Variants in SPON1 observed in about 807,000 individuals in gnomAD.
SPON1 encodes spondin 1.
SPON1 carries 52 observed loss-of-function variants against 111.7 expected under a neutral mutation model. The observed-to-expected ratio is 0.47, with a 90% CI of 0.37 to 0.59. SPON1 has a LOEUF of 0.59. Among genes scored for constraint, SPON1 ranks in the 20% least tolerant of loss-of-function variants. The pLI is 0.00. For missense variants in SPON1, 957 were observed against 1,068.5 expected (o/e 0.90, Z 1.46); for synonymous variants, 410 against 395.8 (o/e 1.04, Z -0.43).
chr11:14,083,583 G>A lies in SPON1; in HGVS notation c.676+3562G>A, dbSNP rs12575324. The stretch of plus-strand genomic sequence containing the variant: ...AATGCATGGTTTTGTAACATCTTAC[G>A]TTGATCATTTGGAAAATATTGGTTT... On this transcript the variant is annotated intron_variant, in intron 5 of 15. Coordinates refer to ENST00000576479, the MANE Select transcript of SPON1 (RefSeq NM_006108.4). Among the ~76,000 whole-genome samples the A allele has an allele frequency of 4.1e-4, 63 of 152,108 alleles. 1 individual carries two copies. The East Asian group carries it at 0.011, about 26-fold the overall frequency.
At chr11:14,024,417 C>T (rs1848502705) in intron 2 of SPON1, among the ~76,000 whole-genome samples, 1 of 152,104 alleles carries the variant, frequency 6.6e-6, no homozygotes, top group African/African-American at 2.4e-5. Flanking sequence ...TGGCGCTCAG[C>T]AAGATGGATG....
chr11:13,975,773 T>C (rs545255576), intron 1 of SPON1, among the ~76,000 whole-genome samples: 39 of 152,312 alleles, frequency 2.6e-4, no homozygotes, highest in African/African-American at 8.9e-4. Context: ...TGGTCCTTCA[T>C]TGGCACCTAC....
At chr11:14,155,494 T>G (rs888567235) in intron 6 of SPON1, among the ~76,000 whole-genome samples, 2 of 126,204 alleles carry the variant, frequency 1.6e-5, no homozygotes, top group Admixed American at 1.6e-4. Flanking sequence ...ATTTTTTTAT[T>G]TATTTTTATT....
chr11:14,071,819 C>A (rs371029492), intron 3 of SPON1, among the ~76,000 whole-genome samples: 3 of 152,124 alleles, frequency 2.0e-5, no homozygotes, highest in African/African-American at 7.2e-5. Flanking sequence ...TCAAGCGATT[C>A]TCCTGCCTCA....
chr11:14,262,910 G>A lies in SPON1; in HGVS notation c.2195G>A (p.Arg732Lys), dbSNP rs368498195. Residue 732 changes from arginine (R) to lysine (K), a missense_variant, in exon 15 of 16, where the codon AGG becomes AAG. Around this residue, in one of 5 missense-constraint regions of SPON1, gnomAD observed 549 missense variants for 606.2 expected, o/e 0.91. Transcript: ENST00000576479. Reference protein sequence around the residue: ...RNPSIQKLRWREARESRRSEQ... With the variant: ...RNPSIQKLRWKEARESRRSEQ... ...CCATCCATCCAAAAGCTACGCTGGAGGGAGGCCCGAGAGAGCCGGCGGAGT... is the reference window on the plus strand; with the variant it reads ...CCATCCATCCAAAAGCTACGCTGGAAGGAGGCCCGAGAGAGCCGGCGGAGT... The A allele has an allele frequency of 3.1e-6, 5 of 1,613,868 alleles. No individual in the cohort carries two copies. Among genetic ancestry groups the A allele is most frequent in the Non-Finnish European group, 4.2e-6 (5 of 1,179,888 alleles).
chr11:13,992,477 G>C (rs560047194), intron 2 of SPON1, among the ~76,000 whole-genome samples: 5 of 152,316 alleles, frequency 3.3e-5, no homozygotes, highest in African/African-American at 1.2e-4. Context: ...CAAGCCAGTG[G>C]ATCTTAGTTT....
intron 2 of SPON1, among the ~76,000 whole-genome samples, chr11:14,002,576 T>G (rs1848327318): frequency 6.6e-6 from 1 of 152,058 alleles, no homozygotes; most frequent in Non-Finnish European, 1.5e-5. Flanking sequence ...GAGAGATGGA[T>G]GGAAGGATCG....
intron 3 of SPON1, among the ~76,000 whole-genome samples, chr11:14,043,129 C>T (rs1243559415): frequency 6.6e-6 from 1 of 152,028 alleles, no homozygotes; most frequent in African/African-American, 2.4e-5. Flanking sequence ...GAACAAAGAC[C>T]CCTGAAATGA....
intron 3 of SPON1, among the ~76,000 whole-genome samples, chr11:14,069,053 A>G (rs1848855019): frequency 6.6e-6 from 1 of 152,228 alleles, no homozygotes; most frequent in African/African-American, 2.4e-5. Context: ...ACAACCATAT[A>G]TGAATCTACA....
intron 6 of SPON1, among the ~76,000 whole-genome samples, chr11:14,145,150 G>T (rs1169701356): frequency 6.6e-6 from 1 of 152,204 alleles, no homozygotes; most frequent in Non-Finnish European, 1.5e-5. Flanking sequence ...CCTCTTGTTT[G>T]CTTTCAGTTG....
At chr11:14,258,983 ATATCT>A (rs1554941549) in intron 11 of SPON1, among the ~76,000 whole-genome samples, 1 of 152,266 alleles carries the variant, frequency 6.6e-6, no homozygotes, top group African/African-American at 2.4e-5. Flanking sequence ...AGATTAAATT[ATATCT>A]TATCTTAGAT....
intron 7 of SPON1, among the ~76,000 whole-genome samples, chr11:14,249,020 G>A (rs1465836549): frequency 1.3e-5 from 2 of 152,186 alleles, no homozygotes; most frequent in African/African-American, 4.8e-5. Context: ...AATCAATTCT[G>A]AATGTCCATC....
intron 2 of SPON1, among the ~76,000 whole-genome samples, chr11:14,033,228 C>T (rs1848571577): frequency 6.6e-6 from 1 of 152,130 alleles, no homozygotes; most frequent in South Asian, 2.1e-4. Context: ...GAACTGGAGC[C>T]CTGACCTGGC....
rs1287718963 is a variant in SPON1 at position 14,164,137 on chromosome 11, C to T, written c.825+28569C>T. 2.6e-5 allele frequency among the ~76,000 whole-genome samples: 4 copies of T among 152,182 alleles called. No homozygotes were observed. The South Asian group carries it at 6.2e-4, about 24-fold the overall frequency. On this transcript the variant is annotated intron_variant, in intron 6 of 15. Coordinates refer to ENST00000576479, the MANE Select transcript of SPON1 (RefSeq NM_006108.4). ...GCAAAAGAGCCACAGCTTCAGCCAC[C>T]GTTAACCGTTAAAGGTGAAAAGAAA...
At chr11:14,035,555 G>C (rs938469458) in intron 2 of SPON1, among the ~76,000 whole-genome samples, 10 of 151,730 alleles carry the variant, frequency 6.6e-5, no homozygotes, top group African/African-American at 2.4e-4. Context: ...CACATATTGT[G>C]GCCAAGTCAT....
chr11:14,060,712 G>A (rs1458979730), intron 3 of SPON1, among the ~76,000 whole-genome samples: 1 of 152,112 alleles, frequency 6.6e-6, no homozygotes, highest in African/African-American at 2.4e-5. Context: ...GCAAACCCTG[G>A]AACTAAATAA....
chr11:14,241,725 G>C (rs1462807067), intron 6 of SPON1, among the ~76,000 whole-genome samples: 3 of 152,132 alleles, frequency 2.0e-5, no homozygotes, highest in Non-Finnish European at 4.4e-5. Flanking sequence ...TTCCATATAT[G>C]ACTTCAAGAT....
chr11:13,983,163 C>T (rs1330578224), intron 2 of SPON1, among the ~76,000 whole-genome samples: 1 of 152,262 alleles, frequency 6.6e-6, no homozygotes, highest in Non-Finnish European at 1.5e-5. Flanking sequence ...CTTGTTTTGT[C>T]TCAGCAGATC....
At chr11:14,262,279 G>A (rs781862064) in intron 14 of SPON1, among the ~76,000 whole-genome samples, 40 of 152,166 alleles carry the variant, frequency 2.6e-4, no homozygotes, top group Non-Finnish European at 4.9e-4. Flanking sequence ...AGGGTCAGCC[G>A]CCTTTAGCTT....
Sources: gnomAD v4.1 joint callset for allele counts (sites outside exome capture counted in the v4.1 genomes callset) on GRCh38, gnomAD v4.1.1 for gene constraint, gnomAD v4.1.1 regional missense constraint, MANE v1.5 for transcripts, NCBI Gene and HGNC (gene_info 2026-07-23, HGNC 2026-07-21) for gene names.